OR4K17: variants seen among roughly 807,000 people sequenced by gnomAD.
The protein encoded by OR4K17 is olfactory receptor family 4 subfamily K member 17, also known as olfactory receptor 4K17.
For missense variants in OR4K17, 480 were observed against 366.3 expected, an observed-to-expected ratio of 1.31 and a Z score of -2.53; for synonymous variants, 157 against 132.8, an observed-to-expected ratio of 1.18 and a Z score of -1.25.
At chr14:20,111,883 C>G (rs1324390501) in intron 1 of OR4K17, 1 of 152,066 alleles carries the variant, frequency 6.6e-6, no homozygotes, top group African/African-American at 2.4e-5. Flanking sequence ...TGTGCCTTAG[C>G]TACTTTTTTG....
At chr14:20,117,065 C>T (rs1878009727) in intron 1 of OR4K17, among the ~76,000 whole-genome samples, 1 of 152,094 alleles carries the variant, frequency 6.6e-6, no homozygotes, top group African/African-American at 2.4e-5. Flanking sequence ...ATAACAACTC[C>T]AATATTCACT....
At position 20,118,559 on chromosome 14, in the gene OR4K17, C is replaced by G; in HGVS notation, c.*121C>G. ...CAACATAGGTTCTTTTCTATTTTCC[C>G]TAAGTGTTGACTGGTCTGAGAAATA... On this transcript the variant is annotated 3_prime_UTR_variant, in exon 2 of 2. Transcript: ENST00000641386. 1.6e-6 allele frequency: 1 copy of G among 626,402 alleles called. No individual in the cohort carries two copies. The highest frequency in any genetic ancestry group is 2.8e-5 in the East Asian group (1 of 35,936). 38.8% of individuals were successfully genotyped at this position (626,402 alleles called of 1,614,324 possible).
intron 1 of OR4K17, among the ~76,000 whole-genome samples, chr14:20,116,773 T>C (rs1424628742): frequency 6.6e-6 from 1 of 152,146 alleles, no homozygotes; most frequent in Non-Finnish European, 1.5e-5. Flanking sequence ...TTTGGCCTTA[T>C]AGAAATTATT....
In OR4K17 at chr14:20,117,784, T is replaced by A. The variant is rs1878038770; in HGVS notation, c.285T>A (p.Ala95=). 1 of 1,614,034 alleles carries A rather than the reference T, an allele frequency of 6.2e-7. No individual in the cohort carries two copies. The highest frequency in any genetic ancestry group is 8.5e-7 in the Non-Finnish European group (1 of 1,180,022). The part of the protein sequence containing the change: ...LLKKQKVISF[A]GCFTQIFLLH... ...AAAAGCAGAAGGTAATTTCTTTTGC[T>A]GGGTGCTTCACTCAGATATTTCTCC... The change falls in exon 2 of 2, where the codon GCT becomes GCA. Residue 95 remains alanine (A), a synonymous_variant. Transcript: ENST00000641386.
chr14:20,113,505 A>G (rs1200090563), intron 1 of OR4K17, among the ~76,000 whole-genome samples: 1 of 152,002 alleles, frequency 6.6e-6, no homozygotes, highest in Non-Finnish European at 1.5e-5. Flanking sequence ...TGTGCCAACT[A>G]TATGCTAGAT....
Position 20,120,065 on chromosome 14 carries a change from G to C in OR4K17, c.*1627G>C, listed in dbSNP as rs1391177334. ...GTGTCAGAGACTCACTTGTCCTTCA[G>C]AGGAGCTTGATAGATATGTACTTTG... On this transcript the variant is annotated 3_prime_UTR_variant, in exon 2 of 2. Transcript: ENST00000641386. 2 of 152,142 alleles carry C rather than the reference G, an allele frequency of 1.3e-5. No individual in the cohort carries two copies. The highest frequency in any genetic ancestry group is 4.8e-5 in the African/African-American group (2 of 41,418). 9.4% of individuals were successfully genotyped at this position (152,142 alleles called of 1,614,324 possible).
chr14:20,117,983 T>C lies in OR4K17; in HGVS notation c.484T>C (p.Phe162Leu). 2 of 1,614,168 alleles carry C rather than the reference T, an allele frequency of 1.2e-6. No homozygotes were observed. Among genetic ancestry groups the C allele is most frequent in the Admixed American group, 1.7e-5 (1 of 60,018 alleles). ...CCTTCACTCAGGGTTTCAGATACCA[T>C]TTGCTGTGAACTTGCCCTTTTGTGG... ...GLLHSGFQIP[F>L]AVNLPFCGPN... Residue 162 changes from phenylalanine (F) to leucine (L), a missense_variant, in exon 2 of 2, where the codon TTT becomes CTT. Transcript: ENST00000641386.
chr14:20,112,011 T>A (rs577747196), intron 1 of OR4K17: 2 of 152,100 alleles, frequency 1.3e-5, no homozygotes, highest in African/African-American at 2.4e-5. Flanking sequence ...AATGGAGTCC[T>A]GGAGGGCTGG....
At chr14:20,113,418 T>C (rs1877922673) in intron 1 of OR4K17, among the ~76,000 whole-genome samples, 1 of 152,026 alleles carries the variant, frequency 6.6e-6, no homozygotes, top group Non-Finnish European at 1.5e-5. Flanking sequence ...AAGTCCTGAA[T>C]TTGAATCCCA....
At position 20,118,329 on chromosome 14, in the gene OR4K17, T is replaced by C. The variant is rs758528059; in HGVS notation, c.830T>C (p.Ile277Thr). Residue 277 changes from isoleucine (I) to threonine (T), a missense_variant, in exon 2 of 2, where the codon ATC (isoleucine) becomes ACC (threonine). Ile to Thr is a moderately conservative substitution (Grantham distance 89). Coordinates refer to ENST00000641386, the MANE Select transcript of OR4K17 (RefSeq NM_001004715.5). ...AAGTTCCTTGCTGTGTTTTATACCA[T>C]CATCACTCCTATCTTGAATCCAATT... The part of the protein sequence containing the change: ...VDKFLAVFYT[I>T]ITPILNPIIY... The C allele has an allele frequency of 5.6e-6, 9 of 1,612,394 alleles. No individual in the cohort carries two copies. The highest frequency in any genetic ancestry group is 1.7e-5 in the Admixed American group (1 of 59,988).
rs1878139404 is a variant in OR4K17 at position 20,120,528 on chromosome 14, C to T, written c.*2090C>T. The T allele has an allele frequency of 6.6e-6, 1 of 152,174 alleles. No individual in the cohort carries two copies. Among genetic ancestry groups the T allele is most frequent in the Non-Finnish European group, 1.5e-5 (1 of 68,052 alleles). The allele number at this position is 152,174 out of a possible 1,614,324, so 9.4% of individuals were successfully genotyped here. A position where few individuals can be genotyped will look rare whatever the true frequency, so the allele number is the denominator to read the frequency against. Reference sequence around the variant, plus strand: ...GACTGTGTGCTGAGCACCGGCTCAGCCACCATAGAGAATTAGTTTCTACCT... The same window carrying T: ...GACTGTGTGCTGAGCACCGGCTCAGTCACCATAGAGAATTAGTTTCTACCT... On this transcript the variant is annotated 3_prime_UTR_variant, in exon 2 of 2. Coordinates refer to ENST00000641386, the MANE Select transcript of OR4K17 (RefSeq NM_001004715.5).
rs2139061662 is a variant in OR4K17, at chr14:20,122,104, T to G, written c.*3666T>G. The G allele has an allele frequency of 6.6e-6, 1 of 152,146 alleles. No homozygotes were observed. The highest frequency in any genetic ancestry group is 2.1e-4 in the South Asian group (1 of 4,824). The allele number at this position is 152,146 out of a possible 1,614,324, so 9.4% of individuals were successfully genotyped here. ...TAAAGTCACTGAGGGATGACTCTAC[T>G]TACCTACCAACAATTATCTGGAATG... On this transcript the variant is annotated 3_prime_UTR_variant, in exon 2 of 2. Coordinates refer to ENST00000641386, the MANE Select transcript of OR4K17 (RefSeq NM_001004715.5).
chr14:20,116,831 C>A (rs902477210), intron 1 of OR4K17, among the ~76,000 whole-genome samples: 2 of 151,976 alleles, frequency 1.3e-5, no homozygotes, highest in African/African-American at 4.8e-5. Context: ...GTAGCAGTCA[C>A]ATCAGAAAAA....
chr14:20,118,153 C>T lies in OR4K17; in HGVS notation c.654C>T (p.Tyr218=), dbSNP rs533647134. The stretch of plus-strand genomic sequence containing the variant: ...GTTTCATTATTTTGCTTATCTCCTA[C>T]AGTCTGATCCTCATAACCATTAAGA... ...LSCFIILLIS[Y]SLILITIKNH... Residue 218 remains tyrosine (Y), a synonymous_variant, in exon 2 of 2, where the codon TAC becomes TAT. Coordinates refer to ENST00000641386, the MANE Select transcript of OR4K17 (RefSeq NM_001004715.5). The T allele has an allele frequency of 2.4e-5, 39 of 1,613,976 alleles. No individual in the cohort carries two copies. Among genetic ancestry groups the T allele is most frequent in the Non-Finnish European group, 3.1e-5 (37 of 1,180,006 alleles).
At position 20,110,841 on chromosome 14, in the gene OR4K17, C is replaced by T. The variant is rs1369122193; in HGVS notation, c.-84C>T. The T allele has an allele frequency of 1.3e-5, 2 of 151,884 alleles. No homozygotes were observed. The highest frequency in any genetic ancestry group is 6.6e-5 in the Admixed American group (1 of 15,204). 9.4% of individuals were successfully genotyped at this position (151,884 alleles called of 1,614,324 possible). ...AACTATAAGTTGAGAAGGTGCATGCCCTTCTCGATATTGTCCCCTCTGAAC... is the reference window on the plus strand; with the variant it reads ...AACTATAAGTTGAGAAGGTGCATGCTCTTCTCGATATTGTCCCCTCTGAAC... On this transcript the variant is annotated 5_prime_UTR_variant, in exon 1 of 2. Transcript: ENST00000641386.
chr14:20,117,825 G>A lies in OR4K17; in HGVS notation c.326G>A (p.Gly109Glu), dbSNP rs751838990. ...ATATTTCTCCTTCACTTACTGGGTG[G>A]GGTTGAAATGGTACTGTTGGTCTCC... ...TQIFLLHLLGGVEMVLLVSMA... is the reference protein window; with the variant it reads ...TQIFLLHLLGEVEMVLLVSMA... Residue 109 changes from glycine (G) to glutamate (E), a missense_variant, in exon 2 of 2, where the codon GGG becomes GAG. Coordinates refer to ENST00000641386, the MANE Select transcript of OR4K17 (RefSeq NM_001004715.5). 6.2e-6 allele frequency: 10 copies of A among 1,613,980 alleles called. No individual in the cohort carries two copies. In the South Asian group the frequency reaches 7.7e-5, roughly 12 times the overall value.
In OR4K17 at chr14:20,117,519, C is replaced by T; in HGVS notation, c.20C>T (p.Ser7Phe). MKLLNQ[S>F]QVSEFILLGL... ...GAGGCCATGAAACTATTAAATCAAT[C>T]TCAAGTGTCAGAATTCATTTTGCTG... Residue 7 changes from serine (S) to phenylalanine (F), a missense_variant, in exon 2 of 2, where the codon TCT (serine) becomes TTT (phenylalanine). Coordinates refer to ENST00000641386, the MANE Select transcript of OR4K17 (RefSeq NM_001004715.5). The T allele has an allele frequency of 1.2e-6, 2 of 1,613,782 alleles. No individual in the cohort carries two copies. The highest frequency in any genetic ancestry group is 1.7e-6 in the Non-Finnish European group (2 of 1,179,778).
intron 1 of OR4K17, 145 bp from the exon 2 acceptor site, chr14:20,117,323 T>C: frequency 3.2e-6 from 3 of 946,974 alleles, no homozygotes; most frequent in Non-Finnish European, 4.8e-6. Context: ...ACGTCTCCTT[T>C]TTCAGACTTA....
intron 1 of OR4K17, among the ~76,000 whole-genome samples, chr14:20,112,916 C>T (rs1877911677): frequency 6.6e-6 from 1 of 151,964 alleles, no homozygotes; most frequent in African/African-American, 2.4e-5. Context: ...AATAATTAAA[C>T]TTGTATTATG....
Sources: gnomAD v4.1 joint callset for allele counts (sites outside exome capture counted in the v4.1 genomes callset) on GRCh38, gnomAD v4.1.1 for gene constraint, MANE v1.5 for transcripts, NCBI Gene and HGNC (gene_info 2026-07-23, HGNC 2026-07-21) for gene names.